The following ASTN2 variants were observed in gnomAD, a reference collection of about 807,000 sequenced individuals.
ASTN2 encodes astrotactin-2.
Under a neutral mutation model 139.8 loss-of-function variants are expected in ASTN2, and 54 were observed. The observed-to-expected ratio is 0.39, with a 90% confidence interval of 0.31 to 0.48. The LOEUF is 0.48. Among genes scored for constraint, ASTN2 ranks in the 20% least tolerant of loss-of-function variants. ASTN2 has a pLI of 0.95. For missense variants in ASTN2, 1,565 were observed against 1,725.1 expected, an observed-to-expected ratio of 0.91 and a Z score of 1.64; for synonymous variants, 756 against 719.5, an observed-to-expected ratio of 1.05 and a Z score of -0.81.
chr9:117,302,743 A>T (rs1399004726), intron 1 of ASTN2, among the ~76,000 whole-genome samples: 2 of 152,174 alleles, frequency 1.3e-5, no homozygotes, highest in Non-Finnish European at 2.9e-5. Context: ...GAAACCTGTA[A>T]AACCCAGTGA....
At chr9:116,693,683 A>G (rs1860688959) in intron 16 of ASTN2, among the ~76,000 whole-genome samples, 1 of 152,248 alleles carries the variant, frequency 6.6e-6, no homozygotes, top group Admixed American at 6.5e-5. Context: ...AAGGGAGCCA[A>G]GATGATACAT....
chr9:116,680,469 T>C (rs1439216814), intron 16 of ASTN2, among the ~76,000 whole-genome samples: 3 of 152,216 alleles, frequency 2.0e-5, no homozygotes, highest in Non-Finnish European at 4.4e-5. Context: ...GTATCATTCC[T>C]TCTGAAACTA....
At chr9:116,566,587 T>C (rs1853244775) in intron 19 of ASTN2, among the ~76,000 whole-genome samples, 7 of 152,208 alleles carry the variant, frequency 4.6e-5, no homozygotes, top group Admixed American at 4.6e-4. Flanking sequence ...CAGGATTTGA[T>C]GTGTCAATAC....
intron 5 of ASTN2, among the ~76,000 whole-genome samples, chr9:117,050,442 C>T (rs779381466): frequency 2.6e-5 from 4 of 151,988 alleles, no homozygotes; most frequent in South Asian, 4.2e-4. Flanking sequence ...ACACAACCAA[C>T]GTTATTCCCC....
At chr9:116,521,523 G>A (rs971242746) in intron 19 of ASTN2, among the ~76,000 whole-genome samples, 3 of 152,060 alleles carry the variant, frequency 2.0e-5, no homozygotes, top group African/African-American at 4.8e-5. Flanking sequence ...TTAAACCTAA[G>A]ACCTGAAACC....
At chr9:116,888,887 C>T (rs924101694) in intron 10 of ASTN2, among the ~76,000 whole-genome samples, 7 of 152,216 alleles carry the variant, frequency 4.6e-5, no homozygotes, top group African/African-American at 1.7e-4. Flanking sequence ...AGTGTTGTTC[C>T]TCTCCCTGTG....
At chr9:117,291,218 GT>G in intron 2 of ASTN2, 107 bp downstream of exon 2, 1 of 1,391,386 alleles carries the variant, frequency 7.2e-7, no homozygotes, top group Non-Finnish European at 9.8e-7. Flanking sequence ...AACCTCTTGA[GT>G]TTGGTTCTTT....
Position 116,597,164 on chromosome 9 carries a change from T to C in ASTN2, c.3355+21160A>G, listed in dbSNP as rs1854618853. ...TTTCTGGCCTTTGAAATTGGTACCC[T>C]TTCCAGAGGTAATTCTCCCCAGAAC... On this transcript the variant is annotated intron_variant, in intron 19 of 22. Coordinates refer to ENST00000313400, the MANE Select transcript of ASTN2 (RefSeq NM_001365068.1). Among the ~76,000 whole-genome samples the C allele has an allele frequency of 2.6e-5, 4 of 152,266 alleles. No homozygotes were observed. The South Asian group carries it at 8.3e-4, about 32-fold the overall frequency.
At chr9:116,714,147 T>C (rs1390124535) in intron 16 of ASTN2, among the ~76,000 whole-genome samples, 1 of 152,194 alleles carries the variant, frequency 6.6e-6, no homozygotes, top group East Asian at 1.9e-4. Flanking sequence ...TCTAGAACAA[T>C]ATAAGCTTGG....
At position 117,197,743 on chromosome 9, in the gene ASTN2, A is replaced by G. The variant is rs528513940; in HGVS notation, c.1015+16615T>C. 2.0e-5 allele frequency among the ~76,000 whole-genome samples: 3 copies of G among 152,376 alleles called. No individual in the cohort carries two copies. The South Asian group carries it at 6.2e-4, about 32-fold the overall frequency. ...TGGAATAGAATGAACAGGCAAGGGT[A>G]GAACATTTAGTTGTTGCTTTATATA... On this transcript the variant is annotated intron_variant, in intron 3 of 22. Coordinates refer to ENST00000313400, the MANE Select transcript of ASTN2 (RefSeq NM_001365068.1).
rs60271052 is a variant in ASTN2 at position 117,290,850 on chromosome 9, C to T, written c.630+476G>A. 4.9e-3 allele frequency among the ~76,000 whole-genome samples: 743 copies of T among 152,328 alleles called. 7 individuals are homozygous for T. The highest frequency in any genetic ancestry group is 0.017 in the African/African-American group (717 of 41,588). The stretch of plus-strand genomic sequence containing the variant: ...GGACCCCCACAATGGCTACGTCCAG[C>T]CCAGCTACAAGGGCCACCATGCAGT... On this transcript the variant is annotated intron_variant, in intron 2 of 22. Transcript: ENST00000313400.
chr9:116,864,752 C>T (rs1199902870), intron 10 of ASTN2, among the ~76,000 whole-genome samples: 1 of 152,174 alleles, frequency 6.6e-6, no homozygotes, highest in Non-Finnish European at 1.5e-5. Context: ...AAGAGGCTAG[C>T]AAACACTAGA....
At chr9:116,885,665 C>CAAACA (rs1190745916) in intron 10 of ASTN2, among the ~76,000 whole-genome samples, 12 of 152,026 alleles carry the variant, frequency 7.9e-5, no homozygotes, top group African/African-American at 2.9e-4. Flanking sequence ...AACTCCATCT[C>CAAACA]AAACAAAACA....
intron 4 of ASTN2, 149 bp from the exon 5 acceptor site, chr9:117,096,300 A>G (rs897937590): frequency 1.5e-6 from 1 of 648,998 alleles, no homozygotes; most frequent in Non-Finnish European, 2.7e-6. Flanking sequence ...AAATGGAAGG[A>G]GTTCATGCTC....
chr9:116,460,549 C>T (rs906557082), intron 20 of ASTN2, among the ~76,000 whole-genome samples: 8 of 152,032 alleles, frequency 5.3e-5, no homozygotes, highest in Non-Finnish European at 5.9e-5. Context: ...ACCCTTTGCG[C>T]GTATTTCCTC....
chr9:116,902,025 CAAAT>C (rs914369003), intron 10 of ASTN2, among the ~76,000 whole-genome samples: 9 of 151,758 alleles, frequency 5.9e-5, no homozygotes, highest in South Asian at 2.1e-4. Context: ...ACTCTTGTTT[CAAAT>C]AAATAAATAA....
At chr9:116,504,385 A>G (rs1850017101) in intron 19 of ASTN2, 2 of 152,202 alleles carry the variant, frequency 1.3e-5, no homozygotes. Flanking sequence ...GAAAGAAAGA[A>G]GGGAAGGTAA....
chr9:117,021,108 A>T, intron 6 of ASTN2, among the ~76,000 whole-genome samples: 1 of 152,004 alleles, frequency 6.6e-6, no homozygotes, highest in East Asian at 1.9e-4. Context: ...AGGTATTCCT[A>T]TGTTGCCCAG....
intron 1 of ASTN2, among the ~76,000 whole-genome samples, chr9:117,326,576 C>T (rs1020459033): frequency 4.6e-5 from 7 of 152,170 alleles, no homozygotes. Context: ...GTACAAAAGG[C>T]TTAATACACA....
Sources: allele counts gnomAD v4.1 joint callset (sites outside exome capture counted in the v4.1 genomes callset), GRCh38; gene constraint gnomAD v4.1.1; transcripts MANE v1.5; gene names NCBI Gene and HGNC (gene_info 2026-07-23, HGNC 2026-07-21).